CCDC175: variants seen among roughly 807,000 people sequenced by gnomAD.
CCDC175 encodes coiled-coil domain-containing protein 175.
Under a neutral mutation model 114.6 loss-of-function variants are expected in CCDC175, and 100 were observed. The observed-to-expected ratio is 0.87, with a 90% CI of 0.74 to 1.03. The LOEUF (loss-of-function observed/expected upper bound fraction) is 1.03, where lower values mean the gene tolerates loss of function less well. Ranked by LOEUF, CCDC175 falls within the 50% of genes least tolerant of loss-of-function variation. The pLI, the probability that CCDC175 is intolerant of heterozygous loss-of-function variation, is 0.00. For missense variants in CCDC175, 880 were observed against 917.8 expected, an observed-to-expected ratio of 0.96 and a Z score of 0.53; for synonymous variants, 306 against 308.7, an observed-to-expected ratio of 0.99 and a Z score of 0.09.
Position 59,505,298 on chromosome 14 carries a change from G to A in CCDC175, c.2323C>T (p.Arg775Cys), listed in dbSNP as rs778816267. Residue 775 changes from arginine (R) to cysteine (C), a missense_variant, in exon 20 of 20, where the codon CGT becomes TGT. Physicochemically the swap from Arg to Cys is radical, Grantham distance 180 (BLOSUM62 -3). Transcript: ENST00000537690. ...MDLLKKKKHIRTRVHFPVVKC... is the reference protein window; with the variant it reads ...MDLLKKKKHICTRVHFPVVKC... ...ACCACTGGGAAATGAACCCTTGTAC[G>A]AATGTGTTTCTTCTTCTCTGTAGGA... is the stretch of plus-strand genomic sequence containing the variant. 3.4e-5 allele frequency: 51 copies of A among 1,497,852 alleles called. No homozygotes were observed. Among genetic ancestry groups the A allele is most frequent in the South Asian group, 5.1e-5 (4 of 78,108 alleles). The allele number at this position is 1,497,852 out of a possible 1,614,324, so 92.8% of individuals were successfully genotyped here. A position where few individuals can be genotyped will look rare whatever the true frequency, so the allele number is the denominator to read the frequency against.
chr14:59,573,625 T>G (rs1255019417), intron 2 of CCDC175, among the ~76,000 whole-genome samples: 2 of 151,386 alleles, frequency 1.3e-5, no homozygotes, highest in South Asian at 4.2e-4. Flanking sequence ...TTTGTTTTTT[T>G]TTTTTTTGAG....
chr14:59,549,064 A>T (rs925090633), intron 8 of CCDC175, among the ~76,000 whole-genome samples: 76 of 152,208 alleles, frequency 5.0e-4, no homozygotes, highest in Admixed American at 4.8e-3. Context: ...AAAATTTCCA[A>T]CAGAGTTTGC....
chr14:59,526,936 A>G (rs1002304962), intron 15 of CCDC175, among the ~76,000 whole-genome samples, 159 bp downstream of exon 15: 1 of 152,222 alleles, frequency 6.6e-6, no homozygotes, highest in Non-Finnish European at 1.5e-5. Flanking sequence ...ATGTGCATAT[A>G]TATGTGTTAT....
chr14:59,526,959 T>G (rs1243683830), intron 15 of CCDC175, 136 bp downstream of exon 15: 2 of 534,630 alleles, frequency 3.7e-6, no homozygotes, highest in Admixed American at 7.7e-5. Context: ...CAAAGATTGT[T>G]AAACATTGAT....
intron 13 of CCDC175, among the ~76,000 whole-genome samples, chr14:59,536,920 A>G (rs1280518382): frequency 6.6e-6 from 1 of 152,094 alleles, no homozygotes. Context: ...AGCTGGGATT[A>G]CAGGGGCATG....
chr14:59,513,692 C>T (rs1199183660), intron 17 of CCDC175, among the ~76,000 whole-genome samples: 1 of 152,196 alleles, frequency 6.6e-6, no homozygotes, highest in African/African-American at 2.4e-5. Context: ...GTAGAGCCCA[C>T]CGCAGCTCAA....
chr14:59,523,756 G>C (rs10147008), intron 16 of CCDC175, among the ~76,000 whole-genome samples: 1 of 151,960 alleles, frequency 6.6e-6, no homozygotes, highest in Non-Finnish European at 1.5e-5. Flanking sequence ...ATGGGAGGCC[G>C]AGGCGGGCGG....
At chr14:59,539,862 T>G (rs1894659723) in intron 11 of CCDC175, among the ~76,000 whole-genome samples, 1 of 152,142 alleles carries the variant, frequency 6.6e-6, no homozygotes. Context: ...ATCACTCCAC[T>G]GCACTTCAGC....
chr14:59,514,643 C>A (rs1310185407), intron 17 of CCDC175, among the ~76,000 whole-genome samples: 8 of 152,106 alleles, frequency 5.3e-5, no homozygotes, highest in African/African-American at 1.9e-4. Flanking sequence ...ATGAACAAAG[C>A]CTCCAAGAAA....
At chr14:59,536,552 G>T (rs929170617) in intron 13 of CCDC175, among the ~76,000 whole-genome samples, 2 of 150,432 alleles carry the variant, frequency 1.3e-5, no homozygotes, top group African/African-American at 4.9e-5. Context: ...TTTCCACCCC[G>T]CCTCCTCTCC....
At chr14:59,533,875 G>A (rs1894226062) in intron 13 of CCDC175, among the ~76,000 whole-genome samples, 1 of 151,742 alleles carries the variant, frequency 6.6e-6, no homozygotes, top group Non-Finnish European at 1.5e-5. Flanking sequence ...TGTAGTCCCA[G>A]CTACTTGGGA....
intron 1 of CCDC175, 84 bp downstream of exon 1, chr14:59,576,535 G>A: frequency 4.7e-6 from 6 of 1,268,684 alleles, no homozygotes; most frequent in Non-Finnish European, 6.1e-6. Context: ...CGGGAGGAGA[G>A]TCCCCGCTCA....
intron 17 of CCDC175, among the ~76,000 whole-genome samples, chr14:59,514,269 C>G (rs1346339553): frequency 1.3e-5 from 2 of 152,190 alleles, no homozygotes; most frequent in Admixed American, 1.3e-4. Context: ...CTCTCTTCCT[C>G]CAAAGGAACG....
chr14:59,519,904 T>A (rs1283373095), intron 17 of CCDC175, among the ~76,000 whole-genome samples: 2 of 152,210 alleles, frequency 1.3e-5, no homozygotes, highest in African/African-American at 2.4e-5. Context: ...GGAGAGGCCA[T>A]GAGGAGGTGT....
chr14:59,545,447 G>C (rs901350851), intron 8 of CCDC175, 148 bp from the exon 9 acceptor site: 8 of 630,836 alleles, frequency 1.3e-5, no homozygotes, highest in Admixed American at 3.2e-5. Context: ...TAATTCTATA[G>C]CAAACATACA....
intron 16 of CCDC175, among the ~76,000 whole-genome samples, chr14:59,524,189 G>A (rs1277980514): frequency 6.6e-6 from 1 of 152,040 alleles, no homozygotes; most frequent in African/African-American, 2.4e-5. Flanking sequence ...TTTTGTCACA[G>A]TATATAAAAT....
chr14:59,529,330 C>G (rs969282210), intron 14 of CCDC175, among the ~76,000 whole-genome samples: 14 of 152,172 alleles, frequency 9.2e-5, no homozygotes, highest in African/African-American at 3.4e-4. Context: ...ATATCTGATG[C>G]CTTGCGGTCT....
chr14:59,513,540 G>T lies in CCDC175; in HGVS notation c.2099-1737C>A, dbSNP rs184082893. On this transcript the variant is annotated intron_variant, in intron 17 of 19. Coordinates refer to ENST00000537690, the MANE Select transcript of CCDC175 (RefSeq NM_001164399.2). ...TTATATCCCGTGCCTGGCTTGGAGG[G>T]TCCTATGCCCACGGAGCCTCACTCA... Among the ~76,000 whole-genome samples, 3 of 152,184 alleles carry T rather than the reference G, an allele frequency of 2.0e-5. No homozygotes were observed. The South Asian group carries it at 6.2e-4, about 31-fold the overall frequency.
intron 19 of CCDC175, among the ~76,000 whole-genome samples, chr14:59,506,597 G>T (rs1892414934): frequency 6.6e-6 from 1 of 152,046 alleles, no homozygotes; most frequent in African/African-American, 2.4e-5. Context: ...TGAGCACAGG[G>T]GTTTTTTAAA....
Sources: gnomAD v4.1 joint callset for allele counts (sites outside exome capture counted in the v4.1 genomes callset) on GRCh38, gnomAD v4.1.1 for gene constraint, MANE v1.5 for transcripts, NCBI Gene and HGNC (gene_info 2026-07-23, HGNC 2026-07-21) for gene names.